The following ARHGAP24 variants were observed in gnomAD, a reference collection of about 807,000 sequenced individuals.
ARHGAP24 encodes Rho GTPase activating protein 24.
A neutral mutation model predicts 76.4 loss-of-function variants in ARHGAP24; 50 were observed. That is an observed-to-expected ratio of 0.65 (90% CI 0.52 to 0.83). The LOEUF (loss-of-function observed/expected upper bound fraction) is 0.83, where lower values mean the gene tolerates loss of function less well. Among genes scored for constraint, ARHGAP24 ranks in the 40% least tolerant of loss-of-function variants. The pLI, the probability that ARHGAP24 is intolerant of heterozygous loss-of-function variation, is 0.00. For synonymous variants in ARHGAP24, 345 were observed against 323.3 expected, an observed-to-expected ratio of 1.07 and a Z score of -0.72; for missense variants, 930 against 914.2, an observed-to-expected ratio of 1.02 and a Z score of -0.22.
chr4:85,618,202 C>T (rs1300483760), intron 2 of ARHGAP24, among the ~76,000 whole-genome samples: 1 of 152,100 alleles, frequency 6.6e-6, no homozygotes, highest in African/African-American at 2.4e-5. Flanking sequence ...TCTGTGACTT[C>T]GACTTCTTTA....
chr4:85,859,212 T>TACACACACACACACACACACACAC (rs10645010), intron 3 of ARHGAP24, among the ~76,000 whole-genome samples: 8 of 145,540 alleles, frequency 5.5e-5, no homozygotes, highest in South Asian at 2.2e-4. Context: ...GCCACATGCA[T>TACACACACACACACACACACACAC]ACACACACAC....
At chr4:85,697,265 G>A (rs1379210800) in intron 2 of ARHGAP24, among the ~76,000 whole-genome samples, 1 of 152,160 alleles carries the variant, frequency 6.6e-6, no homozygotes, top group Admixed American at 6.6e-5. Context: ...TGATACTCAA[G>A]GAGCTTAACT....
intron 3 of ARHGAP24, among the ~76,000 whole-genome samples, chr4:85,745,200 A>T (rs1725979842): frequency 6.6e-6 from 1 of 151,808 alleles, no homozygotes; most frequent in Non-Finnish European, 1.5e-5. Flanking sequence ...GTACTTCAAG[A>T]GGCCGTGGCA....
chr4:85,919,342 T>G (rs771855268), intron 3 of ARHGAP24, among the ~76,000 whole-genome samples: 24 of 152,246 alleles, frequency 1.6e-4, no homozygotes, highest in Non-Finnish European at 2.8e-4. Context: ...CTCTTAGAAC[T>G]GAGGGGTTAT....
In ARHGAP24 at chr4:85,541,664, C is replaced by A. The variant is rs537692340; in HGVS notation, c.-20-28858C>A. Among the ~76,000 whole-genome samples the A allele has an allele frequency of 4.6e-5, 7 of 152,028 alleles. No individual in the cohort carries two copies. In the South Asian group the frequency reaches 1.5e-3, roughly 32 times the overall value. On this transcript the variant is annotated intron_variant, in intron 1 of 9. Coordinates refer to ENST00000395184, the MANE Select transcript of ARHGAP24 (RefSeq NM_001025616.3). ...GATATCATAGTTTATTCATTCAATT[C>A]TTGATAGATATTTGGGTTGATAACA...
intron 2 of ARHGAP24, among the ~76,000 whole-genome samples, chr4:85,572,607 T>C (rs1646944332): frequency 6.6e-6 from 1 of 152,142 alleles, no homozygotes; most frequent in African/African-American, 2.4e-5. Flanking sequence ...ATGAAAATTA[T>C]ATTAATTCAT....
chr4:85,611,636 C>T (rs892024923), intron 2 of ARHGAP24, among the ~76,000 whole-genome samples: 2 of 152,240 alleles, frequency 1.3e-5, no homozygotes, highest in African/African-American at 4.8e-5. Flanking sequence ...ACCACTTCCC[C>T]TCTGTCCATG....
At chr4:85,812,828 A>G (rs1175630902) in intron 3 of ARHGAP24, among the ~76,000 whole-genome samples, 1 of 152,206 alleles carries the variant, frequency 6.6e-6, no homozygotes, top group Non-Finnish European at 1.5e-5. Flanking sequence ...GCAAAGGATA[A>G]CAACAAGGAA....
intron 2 of ARHGAP24, among the ~76,000 whole-genome samples, chr4:85,578,012 C>T (rs1431238709): frequency 2.0e-5 from 3 of 152,172 alleles, no homozygotes; most frequent in Non-Finnish European, 4.4e-5. Context: ...TAGATTTTAT[C>T]TTGGGACCTT....
intron 2 of ARHGAP24, among the ~76,000 whole-genome samples, chr4:85,641,776 G>A (rs1477395860): frequency 6.6e-6 from 1 of 152,166 alleles, no homozygotes; most frequent in Non-Finnish European, 1.5e-5. Flanking sequence ...ATAGGGTGAG[G>A]TATGGGGGAA....
chr4:85,767,870 T>C (rs1439419018), intron 3 of ARHGAP24, among the ~76,000 whole-genome samples: 1 of 152,200 alleles, frequency 6.6e-6, no homozygotes, highest in Admixed American at 6.5e-5. Context: ...AGAGTGCATG[T>C]TTGTATATAT....
chr4:85,476,666 T>A (rs1182174450), intron 1 of ARHGAP24, among the ~76,000 whole-genome samples: 3 of 152,218 alleles, frequency 2.0e-5, no homozygotes, highest in Non-Finnish European at 4.4e-5. Flanking sequence ...ACAGACGGAT[T>A]AAATACAAAC....
chr4:85,870,372 T>C (rs2601869), intron 3 of ARHGAP24, among the ~76,000 whole-genome samples: 70,267 of 151,942 alleles, frequency 0.46, 16,752 homozygotes, highest in Non-Finnish European at 0.49. Context: ...TCATTAGATA[T>C]GGCTGTAAAG....
intron 3 of ARHGAP24, among the ~76,000 whole-genome samples, chr4:85,788,769 A>G (rs1727974561): frequency 1.3e-5 from 2 of 152,226 alleles, no homozygotes; most frequent in South Asian, 4.1e-4. Context: ...AAAGTGCCTT[A>G]TAAACTGAGC....
intron 5 of ARHGAP24, among the ~76,000 whole-genome samples, chr4:85,970,131 A>G (rs1010473837): frequency 1.3e-5 from 2 of 152,152 alleles, no homozygotes; most frequent in Admixed American, 6.5e-5. Context: ...CCTATGGTCC[A>G]TGAGGTTGCT....
At chr4:85,782,574 A>G (rs1193341481) in intron 3 of ARHGAP24, among the ~76,000 whole-genome samples, 2 of 152,200 alleles carry the variant, frequency 1.3e-5, no homozygotes, top group Admixed American at 6.5e-5. Context: ...AGCAAGATTT[A>G]TGTTTCCCAA....
intron 3 of ARHGAP24, among the ~76,000 whole-genome samples, chr4:85,798,478 A>G (rs560931641): frequency 6.6e-6 from 1 of 152,322 alleles, no homozygotes; most frequent in South Asian, 2.1e-4. Context: ...TCACAAATCA[A>G]TATGTATGAC....
chr4:85,883,693 T>C (rs1202369323), intron 3 of ARHGAP24, among the ~76,000 whole-genome samples: 1 of 152,146 alleles, frequency 6.6e-6, no homozygotes, highest in Non-Finnish European at 1.5e-5. Flanking sequence ...GAGCCAAGGA[T>C]GGTGAGAGTT....
At position 85,622,259 on chromosome 4, in the gene ARHGAP24, C is replaced by CA. The variant is rs1439795383; in HGVS notation, c.180+51541dup. Among the ~76,000 whole-genome samples, 75 of 86,580 alleles carry CA rather than the reference C, an allele frequency of 8.7e-4. 1 individual carries two copies. Among genetic ancestry groups the CA allele is most frequent in the African/African-American group, 2.9e-3 (73 of 24,784 alleles). The allele number at this position is 86,580 out of a possible 152,430, so 56.8% of individuals were successfully genotyped here. On this transcript the variant is annotated intron_variant, in intron 2 of 9. Transcript: ENST00000395184. ...CTATCCCTCCCCCCTCCCCCCACCC[C>CA]AAACAGTCCCCGGTGTGTGATGTTC...
Sources: gnomAD v4.1 joint callset for allele counts (sites outside exome capture counted in the v4.1 genomes callset) on GRCh38, gnomAD v4.1.1 for gene constraint, MANE v1.5 for transcripts, NCBI Gene and HGNC (gene_info 2026-07-23, HGNC 2026-07-21) for gene names.